The following ANKS1B variants were observed in gnomAD, a reference collection of about 807,000 sequenced individuals.
ANKS1B encodes the protein ankyrin repeat and sterile alpha motif domain containing 1B.
ANKS1B carries 36 observed loss-of-function variants against 148.3 expected under a neutral mutation model. The observed-to-expected ratio is 0.24, with a 90% confidence interval of 0.19 to 0.32. ANKS1B has a LOEUF of 0.32. Among genes scored for constraint, ANKS1B ranks in the 10% least tolerant of loss-of-function variants. ANKS1B has a pLI of 1.00. For synonymous variants in ANKS1B, 542 were observed against 560.8 expected (o/e 0.97, Z 0.47); for missense variants, 1,157 against 1,542.6 (o/e 0.75, Z 4.19).
chr12:99,642,750 G>A (rs1197955106), intron 9 of ANKS1B, among the ~76,000 whole-genome samples: 2 of 152,202 alleles, frequency 1.3e-5, no homozygotes, highest in Non-Finnish European at 2.9e-5. Flanking sequence ...CCAGGAGGCA[G>A]AGGTTGCAGT....
rs1441983436 is a variant in ANKS1B at position 98,798,873 on chromosome 12, G to A, written c.3342+61C>T. On this transcript the variant is annotated intron_variant, in intron 22 of 26. Transcript: ENST00000683438. ...ATAGTAATTTGAAAGGTGGCAATTT[G>A]TATCCATACCCAGTATTTAGTATTT... 21 of 1,395,026 alleles carry A rather than the reference G, an allele frequency of 1.5e-5. No homozygotes were observed. In the East Asian group the frequency reaches 1.9e-4, roughly 12 times the overall value. 86.4% of individuals were successfully genotyped at this position (1,395,026 alleles called of 1,614,324 possible). A position where few individuals can be genotyped will look rare whatever the true frequency, so the allele number is the denominator to read the frequency against.
At chr12:99,054,542 T>C (rs766923140) in intron 16 of ANKS1B, among the ~76,000 whole-genome samples, 5 of 152,192 alleles carry the variant, frequency 3.3e-5, no homozygotes, top group Non-Finnish European at 7.3e-5. Flanking sequence ...TTCTCTGTTT[T>C]ATTTTATTTT....
At chr12:99,272,445 C>A (rs997079313) in intron 12 of ANKS1B, among the ~76,000 whole-genome samples, 5 of 152,186 alleles carry the variant, frequency 3.3e-5, no homozygotes, top group Non-Finnish European at 5.9e-5. Flanking sequence ...CTAGCAGAAT[C>A]TGTCTACTAT....
At chr12:99,238,720 A>G (rs1473501567) in intron 14 of ANKS1B, among the ~76,000 whole-genome samples, 1 of 152,154 alleles carries the variant, frequency 6.6e-6, no homozygotes, top group East Asian at 1.9e-4. Context: ...AGGAAGGATC[A>G]GGCAGCAATA....
At chr12:99,789,680 T>C (rs1288578898) in intron 4 of ANKS1B, among the ~76,000 whole-genome samples, 1 of 151,608 alleles carries the variant, frequency 6.6e-6, no homozygotes, top group Non-Finnish European at 1.5e-5. Context: ...AAGAATGCAT[T>C]AGAGTCTCTT....
chr12:99,472,358 T>C lies in ANKS1B; in HGVS notation c.1439-28549A>G, dbSNP rs112450075. Among the ~76,000 whole-genome samples the C allele has an allele frequency of 8.0e-3, 1,218 of 152,256 alleles. 20 individuals carry two copies. The highest frequency in any genetic ancestry group is 0.026 in the African/African-American group (1,101 of 41,566). On this transcript the variant is annotated intron_variant, in intron 10 of 26. Coordinates refer to ENST00000683438, the MANE Select transcript of ANKS1B (RefSeq NM_001352186.2). ...GCTCATTACATTATAATTATTTAGG[T>C]ATCCCTCTGTCTCCCTACAGAGCGT...
At chr12:99,097,837 T>A (rs2056709417) in intron 15 of ANKS1B, among the ~76,000 whole-genome samples, 1 of 152,208 alleles carries the variant, frequency 6.6e-6, no homozygotes, top group South Asian at 2.1e-4. Flanking sequence ...TAACACGGCA[T>A]CTGTTCTGGA....
chr12:99,711,383 C>A (rs2056613700), intron 8 of ANKS1B, among the ~76,000 whole-genome samples: 1 of 152,066 alleles, frequency 6.6e-6, no homozygotes, highest in Non-Finnish European at 1.5e-5. Context: ...TATTTTGTCA[C>A]CCAGGTACTA....
chr12:99,722,384 G>A (rs757758181), intron 8 of ANKS1B, among the ~76,000 whole-genome samples: 2 of 152,166 alleles, frequency 1.3e-5, no homozygotes, highest in Non-Finnish European at 1.5e-5. Flanking sequence ...TGAAGCCAAT[G>A]CTCATTTGCC....
chr12:98,957,039 T>C (rs1028950913), intron 17 of ANKS1B, among the ~76,000 whole-genome samples: 3 of 152,218 alleles, frequency 2.0e-5, no homozygotes, highest in African/African-American at 4.8e-5. Flanking sequence ...AAAGGTATCA[T>C]TGAAAAACTT....
At chr12:98,968,318 C>T (rs2099880322) in intron 17 of ANKS1B, among the ~76,000 whole-genome samples, 1 of 152,102 alleles carries the variant, frequency 6.6e-6, no homozygotes, top group South Asian at 2.1e-4. Flanking sequence ...TGCAAATTAA[C>T]AGGACCCCCC....
chr12:98,892,375 A>G (rs1229402167), intron 17 of ANKS1B, among the ~76,000 whole-genome samples: 1 of 152,214 alleles, frequency 6.6e-6, no homozygotes, highest in Admixed American at 6.5e-5. Context: ...CCAACATTTA[A>G]AATAGAATAA....
At chr12:99,294,770 C>A (rs548124425) in intron 12 of ANKS1B, among the ~76,000 whole-genome samples, 1 of 152,036 alleles carries the variant, frequency 6.6e-6, no homozygotes, top group Non-Finnish European at 1.5e-5. Flanking sequence ...TCTCCTGCTT[C>A]GGTCTCCCAA....
At chr12:99,631,706 G>A (rs2098162846) in intron 9 of ANKS1B, among the ~76,000 whole-genome samples, 1 of 152,178 alleles carries the variant, frequency 6.6e-6, no homozygotes, top group South Asian at 2.1e-4. Flanking sequence ...GTATGTGGCA[G>A]AAGAAATTTC....
chr12:99,015,077 ATGTT>A (rs1338970995), intron 17 of ANKS1B, among the ~76,000 whole-genome samples: 1 of 152,226 alleles, frequency 6.6e-6, no homozygotes, highest in Non-Finnish European at 1.5e-5. Flanking sequence ...TTGCATGTGT[ATGTT>A]CATTGCAGCA....
intron 10 of ANKS1B, among the ~76,000 whole-genome samples, chr12:99,464,970 A>G (rs1477272772): frequency 2.0e-5 from 3 of 152,188 alleles, no homozygotes; most frequent in Non-Finnish European, 4.4e-5. Flanking sequence ...CGAGAAGAGC[A>G]ACTCCAAGAC....
At chr12:99,732,723 T>C (rs1249861515) in intron 8 of ANKS1B, among the ~76,000 whole-genome samples, 1 of 152,176 alleles carries the variant, frequency 6.6e-6, no homozygotes, top group African/African-American at 2.4e-5. Context: ...ATGAATTTTA[T>C]TGTATGTAAA....
chr12:98,992,848 A>G (rs548076224), intron 17 of ANKS1B, among the ~76,000 whole-genome samples: 1 of 152,312 alleles, frequency 6.6e-6, no homozygotes, highest in South Asian at 2.1e-4. Flanking sequence ...TCTCTTCACT[A>G]GAATGAAAGC....
chr12:99,226,092 A>C lies in ANKS1B; in HGVS notation c.2419+18250T>G, dbSNP rs545288050. ...GCCTCCTCAAATCTGTTTTGAAGAT[A>C]GGCAGAGTATAAACATACAGAGTCC... On this transcript the variant is annotated intron_variant, in intron 14 of 26. Transcript: ENST00000683438. Among the ~76,000 whole-genome samples, 6 of 152,296 alleles carry C rather than the reference A, an allele frequency of 3.9e-5. No homozygotes were observed. The South Asian group carries it at 1.0e-3, about 26-fold the overall frequency.
Sources: gnomAD v4.1 joint callset for allele counts (sites outside exome capture counted in the v4.1 genomes callset) on GRCh38, gnomAD v4.1.1 for gene constraint, MANE v1.5 for transcripts, NCBI Gene and HGNC (gene_info 2026-07-23, HGNC 2026-07-21) for gene names.